The following ELP3 variants were observed in gnomAD, a reference collection of about 807,000 sequenced individuals.
ELP3 encodes elongator complex protein 3.
ELP3 carries 56 observed loss-of-function variants against 74.9 expected under a neutral mutation model. The observed-to-expected ratio is 0.75, with a 90% CI of 0.60 to 0.93. ELP3 has a LOEUF of 0.93. Among genes scored for constraint, ELP3 ranks in the 40% least tolerant of loss-of-function variants. The pLI, the probability that ELP3 is intolerant of heterozygous loss-of-function variation, is 0.00. For synonymous variants in ELP3, 222 were observed against 239.8 expected, an observed-to-expected ratio of 0.93 and a Z score of 0.68; for missense variants, 573 against 686.5, an observed-to-expected ratio of 0.83 and a Z score of 1.85.
chr8:28,132,753 G>C (rs1322804769), intron 9 of ELP3, among the ~76,000 whole-genome samples: 1 of 151,970 alleles, frequency 6.6e-6, no homozygotes, highest in East Asian at 1.9e-4. Context: ...GTTGTAGCCT[G>C]GTCTCTGTTA....
chr8:28,147,360 G>A lies in ELP3; in HGVS notation c.1101-8582G>A, dbSNP rs1395782263. Reference sequence around the variant, plus strand: ...CCTGACTGATGCAGAGGTAAGGAGAGGGAGTGCAGAGATGGCAACTGCAGT... The same window carrying A: ...CCTGACTGATGCAGAGGTAAGGAGAAGGAGTGCAGAGATGGCAACTGCAGT... On this transcript the variant is annotated intron_variant, in intron 10 of 14. Transcript: ENST00000256398. The surrounding 1 kb of genome is among the most constrained non-coding windows in gnomAD (Gnocchi z 4.5). Among the ~76,000 whole-genome samples, 3 of 152,234 alleles carry A rather than the reference G, an allele frequency of 2.0e-5. No individual in the cohort carries two copies. The highest frequency in any genetic ancestry group is 6.5e-5 in the Admixed American group (1 of 15,284).
At chr8:28,162,990 T>C (rs1814162605) in intron 14 of ELP3, among the ~76,000 whole-genome samples, 1 of 152,212 alleles carries the variant, frequency 6.6e-6, no homozygotes, top group South Asian at 2.1e-4. Flanking sequence ...TGCCATTTTC[T>C]GATTCCTTCA....
chr8:28,172,385 G>A (rs1353954595), intron 14 of ELP3, among the ~76,000 whole-genome samples: 1 of 151,810 alleles, frequency 6.6e-6, no homozygotes, highest in Non-Finnish European at 1.5e-5. Context: ...AATTTATTCC[G>A]AGATATTTTA....
intron 10 of ELP3, among the ~76,000 whole-genome samples, chr8:28,141,603 G>T (rs1404671561): frequency 1.3e-5 from 2 of 152,160 alleles, no homozygotes; most frequent in Non-Finnish European, 2.9e-5. Flanking sequence ...GAATATCCTC[G>T]TAGGAAATAT....
At chr8:28,152,769 G>T (rs1023112060) in intron 10 of ELP3, among the ~76,000 whole-genome samples, 5 of 152,222 alleles carry the variant, frequency 3.3e-5, no homozygotes, top group African/African-American at 1.2e-4. Flanking sequence ...TCATGCCACT[G>T]CACTCCAGCC....
intron 5 of ELP3, 140 bp downstream of exon 5, chr8:28,108,116 A>G (rs1040177277): frequency 1.8e-5 from 12 of 666,062 alleles, no homozygotes; most frequent in Non-Finnish European, 2.8e-5. Context: ...TCATTCACCA[A>G]ATATTTGCCA....
chr8:28,146,375 T>C (rs1354635439), intron 10 of ELP3, among the ~76,000 whole-genome samples: 1 of 152,180 alleles, frequency 6.6e-6, no homozygotes, highest in Non-Finnish European at 1.5e-5. Context: ...TTCTGAAGTA[T>C]GAGCAACTGC....
At chr8:28,136,197 G>C (rs908550550) in intron 9 of ELP3, among the ~76,000 whole-genome samples, 4 of 152,026 alleles carry the variant, frequency 2.6e-5, no homozygotes, top group African/African-American at 9.7e-5. Flanking sequence ...CCTGACCTCA[G>C]GTGATCCACC....
At chr8:28,117,838 A>G (rs925047356) in intron 7 of ELP3, among the ~76,000 whole-genome samples, 2 of 152,174 alleles carry the variant, frequency 1.3e-5, no homozygotes, top group Non-Finnish European at 2.9e-5. Context: ...GAAACTTTGT[A>G]TTTGAGGAAA....
chr8:28,111,763 A>G (rs1325874776), intron 6 of ELP3, among the ~76,000 whole-genome samples: 1 of 152,268 alleles, frequency 6.6e-6, no homozygotes, highest in Non-Finnish European at 1.5e-5. Context: ...AGAAATGAAC[A>G]TAGAGCAGTG....
chr8:28,105,044 C>G (rs865956680), intron 3 of ELP3, among the ~76,000 whole-genome samples: 3 of 152,192 alleles, frequency 2.0e-5, no homozygotes, highest in African/African-American at 7.2e-5. Flanking sequence ...TTAAAATGTC[C>G]TCATCATTCT....
At chr8:28,145,399 T>C (rs926201772) in intron 10 of ELP3, among the ~76,000 whole-genome samples, 11 of 152,248 alleles carry the variant, frequency 7.2e-5, no homozygotes, top group African/African-American at 2.4e-4. Flanking sequence ...GAGAAAAGTC[T>C]CCTTCCAGGA....
chr8:28,186,191 T>C (rs1815234153), intron 14 of ELP3, among the ~76,000 whole-genome samples: 1 of 151,954 alleles, frequency 6.6e-6, no homozygotes, highest in Non-Finnish European at 1.5e-5. Flanking sequence ...GGGGAGCAAG[T>C]AGGGTTGGTG....
intron 3 of ELP3, among the ~76,000 whole-genome samples, chr8:28,104,808 A>G (rs1811622846): frequency 6.6e-6 from 1 of 152,180 alleles, no homozygotes; most frequent in African/African-American, 2.4e-5. Context: ...ACCCTCTGTC[A>G]AGTTATTTTT....
chr8:28,166,599 A>G (rs1358205991), intron 14 of ELP3, among the ~76,000 whole-genome samples: 1 of 152,220 alleles, frequency 6.6e-6, no homozygotes, highest in Non-Finnish European at 1.5e-5. Context: ...TAAAAATGTT[A>G]ACATGAGCAG....
At position 28,156,004 on chromosome 8, in the gene ELP3, T is replaced by A; in HGVS notation, c.1163T>A (p.Leu388His). Residue 388 changes from leucine (L) to histidine (H), a missense_variant, in exon 11 of 15, where the codon CTT becomes CAT. By Grantham distance (99) the Leu-to-His change is moderately conservative. Coordinates refer to ENST00000256398, the MANE Select transcript of ELP3 (RefSeq NM_018091.6). The part of the protein sequence containing the change: ...VEHGNLRELA[L>H]ARMKDLGIQC... ...CATGGTAACCTGAGAGAGCTGGCACTTGCAAGAATGAAAGACCTCGGAATA... is the reference window on the plus strand; with the variant it reads ...CATGGTAACCTGAGAGAGCTGGCACATGCAAGAATGAAAGACCTCGGAATA... 6.2e-7 allele frequency: 1 copy of A among 1,613,966 alleles called. No individual in the cohort carries two copies. The highest frequency in any genetic ancestry group is 8.5e-7 in the Non-Finnish European group (1 of 1,179,866).
chr8:28,157,753 A>G (rs1813890206), intron 11 of ELP3, among the ~76,000 whole-genome samples: 1 of 152,224 alleles, frequency 6.6e-6, no homozygotes, highest in Non-Finnish European at 1.5e-5. Flanking sequence ...ATGATTTATA[A>G]TAATGAAAAG....
At chr8:28,181,027 G>T (rs780636029) in intron 14 of ELP3, among the ~76,000 whole-genome samples, 1 of 152,088 alleles carries the variant, frequency 6.6e-6, no homozygotes, top group Non-Finnish European at 1.5e-5. Flanking sequence ...CACGCCCCCA[G>T]TATCTCACGT....
At chr8:28,156,996 C>T (rs1813852446) in intron 11 of ELP3, among the ~76,000 whole-genome samples, 1 of 152,138 alleles carries the variant, frequency 6.6e-6, no homozygotes, top group South Asian at 2.1e-4. Flanking sequence ...GCCTGCTTTG[C>T]CTCCAAGGCT....
Sources: gnomAD v4.1 joint callset for allele counts (sites outside exome capture counted in the v4.1 genomes callset) on GRCh38, gnomAD v4.1.1 for gene constraint, Gnocchi (gnomAD v3.1) non-coding constraint, MANE v1.5 for transcripts, NCBI Gene and HGNC (gene_info 2026-07-23, HGNC 2026-07-21) for gene names.